Variants in HTRA1 observed in about 807,000 individuals in gnomAD.
HTRA1 encodes the protein HtrA serine peptidase 1, also known as serine protease HTRA1.
Under a neutral mutation model 49.7 loss-of-function variants are expected in HTRA1, and 26 were observed. The ratio of observed to expected loss-of-function variants is 0.52; its 90% CI spans 0.38 to 0.73. The LOEUF (loss-of-function observed/expected upper bound fraction) is 0.73. Among genes scored for constraint, HTRA1 ranks in the 30% least tolerant of loss-of-function variants. HTRA1 has a pLI of 0.00. For missense variants in HTRA1, 561 were observed against 667.2 expected, an observed-to-expected ratio of 0.84 and a Z score of 1.75; for synonymous variants, 291 against 286.9, an observed-to-expected ratio of 1.01 and a Z score of -0.14.
rs1429977278 is a variant in HTRA1, at chr10:122,506,554, G to T, written c.778-137G>T. 2 of 749,718 alleles carry T rather than the reference G, an allele frequency of 2.7e-6. No individual in the cohort carries two copies. Among genetic ancestry groups the T allele is most frequent in the Non-Finnish European group, 4.7e-6 (2 of 429,304 alleles). 46.4% of individuals were successfully genotyped at this position (749,718 alleles called of 1,614,324 possible). A position where few individuals can be genotyped will look rare whatever the true frequency, so the allele number is the denominator to read the frequency against. ...TGCCCGCAGCAAAGGGATGTTAGTT[G>T]TGAGCTCAGTTCCCCACCGGGCCTG... On this transcript the variant is annotated intron_variant, in intron 3 of 8. Transcript: ENST00000368984. This position sits in a 1 kb window ranked among gnomAD's most constrained non-coding sequence, Gnocchi z 5.2.
chr10:122,461,566 G>GC lies in HTRA1; in HGVS notation c.-82dup. 2 of 750,746 alleles carry GC rather than the reference G, an allele frequency of 2.7e-6. No homozygotes were observed. Among genetic ancestry groups the GC allele is most frequent in the South Asian group, 2.0e-5 (1 of 51,046 alleles). 46.5% of individuals were successfully genotyped at this position (750,746 alleles called of 1,614,324 possible). A position where few individuals can be genotyped will look rare whatever the true frequency, so the allele number is the denominator to read the frequency against. On this transcript the variant is annotated 5_prime_UTR_variant, in exon 1 of 9. Coordinates refer to ENST00000368984, the MANE Select transcript of HTRA1 (RefSeq NM_002775.5). The stretch of plus-strand genomic sequence containing the variant: ...GCGGCCGCGCGCACTCGCACCCGCT[G>GC]CCCCCGAGGCCCTCCTGCACTCTCC...
rs913145212 is a variant in HTRA1 at position 122,473,836 on chromosome 10, C to T, written c.472+11712C>T. On this transcript the variant is annotated intron_variant, in intron 1 of 8. Coordinates refer to ENST00000368984, the MANE Select transcript of HTRA1 (RefSeq NM_002775.5). The stretch of plus-strand genomic sequence containing the variant: ...TTCATATAAATGGAATCAAAGAATA[C>T]GTAACGGGCTTCTGTCTCTTAGCAT... 6.6e-5 allele frequency among the ~76,000 whole-genome samples: 10 copies of T among 152,194 alleles called. No homozygotes were observed. The South Asian group carries it at 1.0e-3, about 16-fold the overall frequency.
intron 1 of HTRA1, among the ~76,000 whole-genome samples, chr10:122,482,562 G>A (rs1023395027): frequency 5.9e-5 from 9 of 152,112 alleles, no homozygotes; most frequent in Non-Finnish European, 1.2e-4. Flanking sequence ...TCCTGCCTCA[G>A]ATCTAATCTT....
At chr10:122,504,635 G>A (rs2097502307) in intron 3 of HTRA1, among the ~76,000 whole-genome samples, 4 of 152,330 alleles carry the variant, frequency 2.6e-5, no homozygotes, top group Admixed American at 2.6e-4. Flanking sequence ...TCCAGGGCCT[G>A]AAGGGATGGC....
chr10:122,489,725 G>T (rs2097494885), intron 3 of HTRA1, 99 bp downstream of exon 3: 1 of 1,123,670 alleles, frequency 8.9e-7, no homozygotes, highest in East Asian at 2.6e-5. Flanking sequence ...TTCTCGGGGG[G>T]CACTGAAGCC....
At chr10:122,479,809 T>A (rs1268023048) in intron 1 of HTRA1, among the ~76,000 whole-genome samples, 2 of 151,624 alleles carry the variant, frequency 1.3e-5, no homozygotes, top group African/African-American at 4.9e-5. Flanking sequence ...GCTGCGGGGA[T>A]CCTGCAGGAA....
chr10:122,509,717 C>T (rs985128518), intron 6 of HTRA1, among the ~76,000 whole-genome samples: 2 of 152,076 alleles, frequency 1.3e-5, no homozygotes, highest in Non-Finnish European at 2.9e-5. Context: ...AGTTGGGGAC[C>T]GGTTAAGGGG....
At chr10:122,501,700 C>T (rs941227570) in intron 3 of HTRA1, among the ~76,000 whole-genome samples, 4 of 152,104 alleles carry the variant, frequency 2.6e-5, no homozygotes, top group African/African-American at 9.7e-5. Context: ...CGATGACCTA[C>T]GAGGAGGAGG....
intron 7 of HTRA1, among the ~76,000 whole-genome samples, chr10:122,511,460 C>T (rs1046793787): frequency 6.6e-6 from 1 of 152,036 alleles, no homozygotes; most frequent in Admixed American, 6.6e-5. Flanking sequence ...TGGCTGGGTG[C>T]GGTGGCTCAC....
In HTRA1 at chr10:122,464,954, C is replaced by T. The variant is rs1591023356; in HGVS notation, c.472+2830C>T. ...GCTCTCGAGGCAGGAGCGGGTGCTG[C>T]GATTTCAAATATTATAAGGTGGCTT... On this transcript the variant is annotated intron_variant, in intron 1 of 8. Transcript: ENST00000368984. This position sits in a 1 kb window ranked among gnomAD's most constrained non-coding sequence, Gnocchi z 4.8. 1.3e-5 allele frequency among the ~76,000 whole-genome samples: 2 copies of T among 152,202 alleles called. No individual in the cohort carries two copies. The highest frequency in any genetic ancestry group is 6.5e-5 in the Admixed American group (1 of 15,286).
chr10:122,479,262 C>T (rs141516449), intron 1 of HTRA1, among the ~76,000 whole-genome samples: 2 of 152,120 alleles, frequency 1.3e-5, no homozygotes, highest in African/African-American at 2.4e-5. Flanking sequence ...GTGTGGGCTG[C>T]GGGGGGCTGG....
In HTRA1 at chr10:122,462,051, C is replaced by T. The variant is rs1291296622; in HGVS notation, c.399C>T (p.Arg133=). 1 of 1,533,486 alleles carries T rather than the reference C, an allele frequency of 6.5e-7. No homozygotes were observed. Among genetic ancestry groups the T allele is most frequent in the Non-Finnish European group, 8.7e-7 (1 of 1,146,446 alleles). 95.0% of individuals were successfully genotyped at this position (1,533,486 alleles called of 1,614,324 possible). A position where few individuals can be genotyped will look rare whatever the true frequency, so the allele number is the denominator to read the frequency against. The change falls in exon 1 of 9, where the codon CGC becomes CGT. Residue 133 remains arginine, a synonymous_variant. Coordinates refer to ENST00000368984, the MANE Select transcript of HTRA1 (RefSeq NM_002775.5). The part of the protein sequence containing the change: ...ANTYANLCQL[R]AASRRSERLH... ...CCTACGCCAACCTGTGCCAGCTGCGCGCCGCCAGCCGCCGCTCCGAGAGGC... is the reference window on the plus strand; with the variant it reads ...CCTACGCCAACCTGTGCCAGCTGCGTGCCGCCAGCCGCCGCTCCGAGAGGC...
At position 122,476,285 on chromosome 10, in the gene HTRA1, T is replaced by G. The variant is rs936464997; in HGVS notation, c.473-12617T>G. Among the ~76,000 whole-genome samples the G allele has an allele frequency of 1.1e-4, 16 of 152,298 alleles. 1 individual carries two copies. Among genetic ancestry groups the G allele is most frequent in the Admixed American group, 9.1e-4 (14 of 15,306 alleles). On this transcript the variant is annotated intron_variant, in intron 1 of 8. Transcript: ENST00000368984. ...CCCGTTGTGCTTCTCATGATCATTCTCAAATTCAGCGAGAAACCTCACAAA... is the reference window on the plus strand; with the variant it reads ...CCCGTTGTGCTTCTCATGATCATTCGCAAATTCAGCGAGAAACCTCACAAA...
intron 7 of HTRA1, 88 bp downstream of exon 7, chr10:122,510,241 C>T (rs879891477): frequency 1.6e-5 from 16 of 1,009,714 alleles, no homozygotes; most frequent in Middle Eastern, 2.0e-4. Context: ...AAAGAGAAAC[C>T]TTATGCTGCC....
chr10:122,489,130 G>A, intron 2 of HTRA1, 129 bp downstream of exon 2: 2 of 763,648 alleles, frequency 2.6e-6, no homozygotes, highest in South Asian at 1.5e-5. Context: ...TAAGATAAGT[G>A]TGTCTCCCTT....
intron 1 of HTRA1, among the ~76,000 whole-genome samples, chr10:122,469,308 C>T (rs1327942564): frequency 2.0e-5 from 3 of 152,160 alleles, no homozygotes; most frequent in Non-Finnish European, 2.9e-5. Context: ...TCTTCCAACA[C>T]ATGAGTCATC....
chr10:122,486,872 TTGTG>T (rs753089216), intron 1 of HTRA1, among the ~76,000 whole-genome samples: 15 of 151,904 alleles, frequency 9.9e-5, no homozygotes, highest in Admixed American at 2.0e-4. Context: ...ATGTGACAGT[TTGTG>T]TGTAAATGTG....
At chr10:122,480,221 G>T (rs1321630641) in intron 1 of HTRA1, among the ~76,000 whole-genome samples, 4 of 152,188 alleles carry the variant, frequency 2.6e-5, no homozygotes, top group African/African-American at 9.6e-5. Context: ...GAGCCGAAAG[G>T]TGTGACCTTT....
At chr10:122,502,884 T>C (rs1443194705) in intron 3 of HTRA1, among the ~76,000 whole-genome samples, 1 of 152,192 alleles carries the variant, frequency 6.6e-6, no homozygotes, top group Non-Finnish European at 1.5e-5. Context: ...CATTTTCTTT[T>C]CCCCCCAGCA....
Sources: gnomAD v4.1 joint callset for allele counts (sites outside exome capture counted in the v4.1 genomes callset) on GRCh38, gnomAD v4.1.1 for gene constraint, Gnocchi (gnomAD v3.1) non-coding constraint, MANE v1.5 for transcripts, NCBI Gene and HGNC (gene_info 2026-07-23, HGNC 2026-07-21) for gene names.